Variants in MACROD2 observed in about 807,000 individuals in gnomAD.
MACROD2 encodes the protein mono-ADP ribosylhydrolase 2.
A neutral mutation model predicts 70.4 loss-of-function variants in MACROD2; 36 were observed. The observed-to-expected ratio is 0.51, with a 90% CI of 0.39 to 0.68. MACROD2 has a LOEUF of 0.68. Among genes scored for constraint, MACROD2 ranks in the 30% least tolerant of loss-of-function variants. MACROD2 has a pLI of 0.00. For missense variants in MACROD2, 496 were observed against 538.4 expected, an observed-to-expected ratio of 0.92 and a Z score of 0.78; for synonymous variants, 172 against 178.8, an observed-to-expected ratio of 0.96 and a Z score of 0.30.
chr20:15,021,259 C>T (rs369256021), intron 5 of MACROD2, among the ~76,000 whole-genome samples: 53 of 91,908 alleles, frequency 5.8e-4, no homozygotes, highest in Admixed American at 8.3e-4. Flanking sequence ...TGTATACACA[C>T]ACCTGTGTGT....
chr20:15,223,516 T>C (rs963610141), intron 5 of MACROD2, among the ~76,000 whole-genome samples: 1 of 152,204 alleles, frequency 6.6e-6, no homozygotes, highest in Non-Finnish European at 1.5e-5. Context: ...ACAATTACAT[T>C]CATTATTCCC....
At chr20:14,875,793 A>G (rs888135336) in intron 5 of MACROD2, among the ~76,000 whole-genome samples, 2 of 152,090 alleles carry the variant, frequency 1.3e-5, no homozygotes, top group African/African-American at 4.8e-5. Flanking sequence ...AGTTGCATCC[A>G]TGTTGCTAAA....
At chr20:16,003,492 C>A (rs1012029146) in intron 15 of MACROD2, among the ~76,000 whole-genome samples, 2 of 152,104 alleles carry the variant, frequency 1.3e-5, no homozygotes, top group Non-Finnish European at 2.9e-5. Flanking sequence ...CAACAGGCTG[C>A]GTAACACTGC....
intron 5 of MACROD2, among the ~76,000 whole-genome samples, chr20:15,037,818 G>A (rs2075325515): frequency 6.6e-6 from 1 of 151,776 alleles, no homozygotes; most frequent in Admixed American, 6.6e-5. Flanking sequence ...AAACAATCAA[G>A]AGTAAATGAA....
At chr20:14,717,137 T>C (rs1413010607) in intron 5 of MACROD2, among the ~76,000 whole-genome samples, 7 of 152,194 alleles carry the variant, frequency 4.6e-5, no homozygotes, top group Non-Finnish European at 1.0e-4. Context: ...TATGAGATCT[T>C]CGAGTTTTTA....
At chr20:15,794,190 A>G (rs1465322647) in intron 8 of MACROD2, among the ~76,000 whole-genome samples, 1 of 152,100 alleles carries the variant, frequency 6.6e-6, no homozygotes, top group Admixed American at 6.5e-5. Context: ...TAGAGCAATA[A>G]CAACAACGAC....
chr20:15,934,139 A>G (rs556534859), intron 11 of MACROD2, among the ~76,000 whole-genome samples: 2 of 152,314 alleles, frequency 1.3e-5, no homozygotes, highest in South Asian at 4.1e-4. Context: ...TTAGTTTCCC[A>G]GTTATTCTCC....
intron 7 of MACROD2, among the ~76,000 whole-genome samples, chr20:15,445,753 T>G (rs1264047495): frequency 1.3e-5 from 2 of 152,168 alleles, no homozygotes; most frequent in Non-Finnish European, 2.9e-5. Context: ...AAATCATACT[T>G]GTCCTAGATC....
chr20:14,584,540 T>C (rs1418550362), intron 4 of MACROD2, among the ~76,000 whole-genome samples: 2 of 152,070 alleles, frequency 1.3e-5, no homozygotes, highest in Non-Finnish European at 2.9e-5. Flanking sequence ...AAAAGGGCTA[T>C]TCTTCTTCTT....
At chr20:15,305,811 C>A (rs2146136524) in intron 6 of MACROD2, among the ~76,000 whole-genome samples, 1 of 152,276 alleles carries the variant, frequency 6.6e-6, no homozygotes, top group South Asian at 2.1e-4. Context: ...TGAACCCTTT[C>A]CACTCTCAAT....
chr20:14,097,203 G>A (rs2054239757), intron 3 of MACROD2, among the ~76,000 whole-genome samples: 1 of 152,146 alleles, frequency 6.6e-6, no homozygotes, highest in South Asian at 2.1e-4. Flanking sequence ...CTAGGTCCTT[G>A]TATAGTCTTA....
chr20:14,625,689 G>C (rs777494234), intron 4 of MACROD2, among the ~76,000 whole-genome samples: 26 of 152,142 alleles, frequency 1.7e-4, no homozygotes, highest in Non-Finnish European at 1.5e-4. Flanking sequence ...CTCCAATATG[G>C]CACCATCTCT....
At chr20:14,709,751 A>AAAC (rs1464940677) in intron 5 of MACROD2, among the ~76,000 whole-genome samples, 1 of 152,214 alleles carries the variant, frequency 6.6e-6, no homozygotes, top group African/African-American at 2.4e-5. Flanking sequence ...GTTTAAACAG[A>AAAC]AACAAGTGTA....
intron 6 of MACROD2, among the ~76,000 whole-genome samples, chr20:15,235,123 C>A (rs1429535157): frequency 2.6e-5 from 4 of 152,110 alleles, no homozygotes; most frequent in African/African-American, 9.7e-5. Context: ...AAATACAATG[C>A]ACCCTGTCTG....
chr20:14,867,523 G>A (rs1485258178), intron 5 of MACROD2, among the ~76,000 whole-genome samples: 2 of 152,042 alleles, frequency 1.3e-5, no homozygotes, highest in Admixed American at 6.6e-5. Flanking sequence ...TATAAGCGAT[G>A]GGATTTTGAA....
chr20:16,015,648 T>C (rs1023418025), intron 15 of MACROD2, among the ~76,000 whole-genome samples: 12 of 152,242 alleles, frequency 7.9e-5, no homozygotes, highest in African/African-American at 2.2e-4. Flanking sequence ...CAAAGTAGCC[T>C]TTGTGATTAA....
intron 6 of MACROD2, among the ~76,000 whole-genome samples, chr20:15,427,645 G>A (rs539210047): frequency 1.5e-4 from 23 of 152,332 alleles, no homozygotes; most frequent in Non-Finnish European, 2.8e-4. Flanking sequence ...TCTGAAGCTG[G>A]AAGGACCCTT....
intron 10 of MACROD2, among the ~76,000 whole-genome samples, chr20:15,887,146 A>G (rs1178026882): frequency 1.3e-5 from 2 of 152,122 alleles, no homozygotes; most frequent in Admixed American, 1.3e-4. Context: ...TTTGATCTCA[A>G]TACATAAGGT....
At chr20:15,048,482 T>C (rs1024648984) in intron 5 of MACROD2, among the ~76,000 whole-genome samples, 1 of 151,826 alleles carries the variant, frequency 6.6e-6, no homozygotes, top group Non-Finnish European at 1.5e-5. Context: ...AAAATGAGTA[T>C]AGTATCTACG....
Sources: allele counts gnomAD v4.1 joint callset (sites outside exome capture counted in the v4.1 genomes callset), GRCh38; gene constraint gnomAD v4.1.1; transcripts MANE v1.5; gene names NCBI Gene and HGNC (gene_info 2026-07-23, HGNC 2026-07-21).